Variants in CMC2 observed in about 807,000 individuals in gnomAD.
The protein encoded by CMC2 is C-X9-C motif containing 2.
Under a neutral mutation model 7.5 loss-of-function variants are expected in CMC2, and 5 were observed. That is an observed-to-expected ratio of 0.66 (90% confidence interval 0.35 to 1.40). The LOEUF is 1.40. Among genes scored for constraint, CMC2 ranks in the 40% most tolerant of loss-of-function variants. The pLI, the probability that CMC2 is intolerant of heterozygous loss-of-function variation, is 0.04. For missense variants in CMC2, 115 were observed against 92.3 expected (o/e 1.25, Z -1.01); for synonymous variants, 37 against 31.4 (o/e 1.18, Z -0.60).
At chr16:80,995,865 C>T (rs926908370) in intron 2 of CMC2, among the ~76,000 whole-genome samples, 6 of 151,956 alleles carry the variant, frequency 3.9e-5, no homozygotes, top group African/African-American at 4.8e-5. Context: ...CTATATATGA[C>T]AAAACTCATC....
At chr16:80,976,427 A>G (rs1912360222) in intron 3 of CMC2, among the ~76,000 whole-genome samples, 1 of 152,220 alleles carries the variant, frequency 6.6e-6, no homozygotes, top group Non-Finnish European at 1.5e-5. Flanking sequence ...CAGCATCTAC[A>G]TGCTAATAGA....
In CMC2 at chr16:80,973,391, A is replaced by C. The variant is rs1912067902; in HGVS notation, c.*2702T>G. 2 of 152,190 alleles carry C rather than the reference A, an allele frequency of 1.3e-5. No homozygotes were observed. Among genetic ancestry groups the C allele is most frequent in the Admixed American group, 6.5e-5 (1 of 15,282 alleles). The allele number at this position is 152,190 out of a possible 1,614,324, so 9.4% of individuals were successfully genotyped here. A position where few individuals can be genotyped will look rare whatever the true frequency, so the allele number is the denominator to read the frequency against. On this transcript the variant is annotated 3_prime_UTR_variant, in exon 4 of 4. Transcript: ENST00000219400. ...ACCCCAATTTGGGTGCACTTGAGAG[A>C]AAAACAATATTGAGGGGGCCCTTAC...
chr16:80,991,199 T>C lies in CMC2; in HGVS notation c.81+6115A>G, dbSNP rs1967965779. Among the ~76,000 whole-genome samples, 5 of 152,086 alleles carry C rather than the reference T, an allele frequency of 3.3e-5. No individual in the cohort carries two copies. The South Asian group carries it at 1.0e-3, about 32-fold the overall frequency. Reference sequence around the variant, plus strand: ...ATAAATGGGGGAGAACAGGCAACTCTCCAGAACAGAATTCCACAAGATTAT... The same window carrying C: ...ATAAATGGGGGAGAACAGGCAACTCCCCAGAACAGAATTCCACAAGATTAT... On this transcript the variant is annotated intron_variant, in intron 2 of 3. Transcript: ENST00000219400.
chr16:80,972,316 G>C lies in CMC2; in HGVS notation c.*3777C>G, dbSNP rs1351542323. ...TTTCAATATCAGGGTTTCAATATCA[G>C]GGTGTAGTGAAAGGAGCAACTCCCT... On this transcript the variant is annotated 3_prime_UTR_variant, in exon 4 of 4. Coordinates refer to ENST00000219400, the MANE Select transcript of CMC2 (RefSeq NM_020188.5). 1 of 152,108 alleles carries C rather than the reference G, an allele frequency of 6.6e-6. No homozygotes were observed. The highest frequency in any genetic ancestry group is 1.5e-5 in the Non-Finnish European group (1 of 68,044). The allele number at this position is 152,108 out of a possible 1,614,324, so 9.4% of individuals were successfully genotyped here. A position where few individuals can be genotyped will look rare whatever the true frequency, so the allele number is the denominator to read the frequency against.
chr16:80,987,986 G>A (rs576142507), intron 2 of CMC2, among the ~76,000 whole-genome samples: 1 of 151,782 alleles, frequency 6.6e-6, no homozygotes. Context: ...GATGAGCCTG[G>A]GCAACACAGG....
In CMC2 at chr16:80,971,678, T is replaced by G. The variant is rs188487183; in HGVS notation, c.*4415A>C. ...GTAGTAGTTACCACCAATAAAGAAA[T>G]AAGTGGAACGGGCTTGGGGTGACAA... On this transcript the variant is annotated 3_prime_UTR_variant, in exon 4 of 4. Coordinates refer to ENST00000219400, the MANE Select transcript of CMC2 (RefSeq NM_020188.5). The G allele has an allele frequency of 6.7e-6, 1 of 149,850 alleles. No individual in the cohort carries two copies. The highest frequency in any genetic ancestry group is 2.1e-4 in the South Asian group (1 of 4,772). The allele number at this position is 149,850 out of a possible 1,614,324, so 9.3% of individuals were successfully genotyped here. A position where few individuals can be genotyped will look rare whatever the true frequency, so the allele number is the denominator to read the frequency against.
In CMC2 at chr16:80,973,474, GACAGGT is replaced by G. The variant is rs1211055313; in HGVS notation, c.*2613_*2618del. On this transcript the variant is annotated 3_prime_UTR_variant, in exon 4 of 4. Coordinates refer to ENST00000219400, the MANE Select transcript of CMC2 (RefSeq NM_020188.5). ...ACCAATCCTCACAATAACTCTATGTGACAGGTACTGTCACTGGGTTGAACTGGTTTA... is the reference window on the plus strand; with the variant it reads ...ACCAATCCTCACAATAACTCTATGTGACTGTCACTGGGTTGAACTGGTTTA... 1 of 152,152 alleles carries G rather than the reference GACAGGT, an allele frequency of 6.6e-6. No individual in the cohort carries two copies. The highest frequency in any genetic ancestry group is 2.4e-5 in the African/African-American group (1 of 41,430). The allele number at this position is 152,152 out of a possible 1,614,324, so 9.4% of individuals were successfully genotyped here. A position where few individuals can be genotyped will look rare whatever the true frequency, so the allele number is the denominator to read the frequency against.
At position 80,992,957 on chromosome 16, in the gene CMC2, G is replaced by C. The variant is rs537201252; in HGVS notation, c.81+4357C>G. ...TCCTTTATCAATCTTTGATTTTATT[G>C]TCTCTGGAATTCAGGGTCCTTACTT... On this transcript the variant is annotated intron_variant, in intron 2 of 3. Transcript: ENST00000219400. 1.6e-4 allele frequency among the ~76,000 whole-genome samples: 25 copies of C among 152,016 alleles called. No individual in the cohort carries two copies. In the East Asian group the frequency reaches 4.8e-3, roughly 29 times the overall value.
chr16:80,966,456 C>G lies in CMC2; in HGVS notation c.*9637G>C, dbSNP rs1911555698. On this transcript the variant is annotated 3_prime_UTR_variant, in exon 4 of 4. Coordinates refer to ENST00000219400, the MANE Select transcript of CMC2 (RefSeq NM_020188.5). ...AAATAATGAATTCAAAGTACTATTT[C>G]CAATTCAAATTTAATGCATGTTTTG... 1 of 152,154 alleles carries G rather than the reference C, an allele frequency of 6.6e-6. No individual in the cohort carries two copies. Among genetic ancestry groups the G allele is most frequent in the South Asian group, 2.1e-4 (1 of 4,826 alleles). The allele number at this position is 152,154 out of a possible 1,614,324, so 9.4% of individuals were successfully genotyped here.
rs1490684453 is a variant in CMC2 at position 80,971,663 on chromosome 16, C to A, written c.*4430G>T. 6.8e-6 allele frequency: 1 copy of A among 148,122 alleles called. No individual in the cohort carries two copies. The highest frequency in any genetic ancestry group is 1.5e-5 in the Non-Finnish European group (1 of 67,486). 9.2% of individuals were successfully genotyped at this position (148,122 alleles called of 1,614,324 possible). A position where few individuals can be genotyped will look rare whatever the true frequency, so the allele number is the denominator to read the frequency against. On this transcript the variant is annotated 3_prime_UTR_variant, in exon 4 of 4. Coordinates refer to ENST00000219400, the MANE Select transcript of CMC2 (RefSeq NM_020188.5). The stretch of plus-strand genomic sequence containing the variant: ...TATATCAAAGTCAGGGTAGTAGTTA[C>A]CACCAATAAAGAAATAAGTGGAACG...
intron 2 of CMC2, among the ~76,000 whole-genome samples, chr16:80,989,096 G>A (rs1171635741): frequency 1.3e-5 from 2 of 152,152 alleles, no homozygotes; most frequent in African/African-American, 4.8e-5. Context: ...TAGGTAAGAA[G>A]CTACCTGCCA....
At chr16:80,998,924 C>G (rs993165280) in intron 1 of CMC2, 1 of 142,766 alleles carries the variant, frequency 7.0e-6, no homozygotes, top group African/African-American at 2.5e-5. Context: ...CCTCAACAAA[C>G]TAGGCACTGA....
intron 1 of CMC2, among the ~76,000 whole-genome samples, chr16:81,001,555 CACA>C (rs1409594805): frequency 6.6e-6 from 1 of 152,110 alleles, no homozygotes; most frequent in South Asian, 2.1e-4. Flanking sequence ...GTGATGGTTG[CACA>C]ACATTATTAA....
At position 80,971,150 on chromosome 16, in the gene CMC2, A is replaced by C. The variant is rs1220039866; in HGVS notation, c.*4943T>G. On this transcript the variant is annotated 3_prime_UTR_variant, in exon 4 of 4. Coordinates refer to ENST00000219400, the MANE Select transcript of CMC2 (RefSeq NM_020188.5). ...ACTCTGTCTCAAAAAACAACAACAA[A>C]AATACAAATCATAAAATCTTAAAAA... The C allele has an allele frequency of 6.6e-6, 1 of 152,128 alleles. No homozygotes were observed. Among genetic ancestry groups the C allele is most frequent in the East Asian group, 1.9e-4 (1 of 5,194 alleles). 9.4% of individuals were successfully genotyped at this position (152,128 alleles called of 1,614,324 possible).
Position 80,974,168 on chromosome 16 carries a change from T to G in CMC2, c.*1925A>C, listed in dbSNP as rs1912118089. Reference sequence around the variant, plus strand: ...GCCTGAGACATCCTAGACACTTCCTTAAACCCTACACCTAGTCAGTCATGC... The same window carrying G: ...GCCTGAGACATCCTAGACACTTCCTGAAACCCTACACCTAGTCAGTCATGC... On this transcript the variant is annotated 3_prime_UTR_variant, in exon 4 of 4. Coordinates refer to ENST00000219400, the MANE Select transcript of CMC2 (RefSeq NM_020188.5). The G allele has an allele frequency of 6.6e-6, 1 of 152,236 alleles. No individual in the cohort carries two copies. Among genetic ancestry groups the G allele is most frequent in the African/African-American group, 2.4e-5 (1 of 41,418 alleles). The allele number at this position is 152,236 out of a possible 1,614,324, so 9.4% of individuals were successfully genotyped here.
At chr16:81,006,640 G>A (rs71400132) in intron 1 of CMC2, 94 bp downstream of exon 1, 16 of 915,670 alleles carry the variant, frequency 1.7e-5, no homozygotes, top group Non-Finnish European at 2.1e-5. Flanking sequence ...TGGGGCCGAC[G>A]GGCGGCAGGA....
intron 2 of CMC2, among the ~76,000 whole-genome samples, chr16:80,993,532 C>T (rs886756201): frequency 6.6e-6 from 1 of 152,138 alleles, no homozygotes; most frequent in Non-Finnish European, 1.5e-5. Flanking sequence ...TTTCACAATG[C>T]CATAGTCACT....
intron 2 of CMC2, among the ~76,000 whole-genome samples, chr16:80,987,377 AC>A (rs1967626773): frequency 6.6e-6 from 1 of 152,240 alleles, no homozygotes; most frequent in East Asian, 1.9e-4. Flanking sequence ...GGATGGTTGA[AC>A]AAAAGGTAAT....
chr16:80,984,613 A>C (rs531584109), intron 2 of CMC2, among the ~76,000 whole-genome samples: 41 of 152,294 alleles, frequency 2.7e-4, no homozygotes, highest in African/African-American at 9.1e-4. Context: ...TCATTCCCAA[A>C]GAATAAATAT....
Sources: gnomAD v4.1 joint callset for allele counts (sites outside exome capture counted in the v4.1 genomes callset) on GRCh38, gnomAD v4.1.1 for gene constraint, MANE v1.5 for transcripts, NCBI Gene and HGNC (gene_info 2026-07-23, HGNC 2026-07-21) for gene names.